Variants in DCP2 observed in about 807,000 individuals in gnomAD.
DCP2 encodes the protein decapping mRNA 2.
In DCP2, 30 loss-of-function variants were observed where a neutral mutation model predicts 56.1. The ratio of observed to expected loss-of-function variants is 0.53; its 90% CI spans 0.40 to 0.73. DCP2 has a LOEUF of 0.73. Ranked by LOEUF, DCP2 falls within the 30% of genes least tolerant of loss-of-function variation. The pLI is 0.00. For synonymous variants in DCP2, 197 were observed against 163.3 expected, an observed-to-expected ratio of 1.21 and a Z score of -1.57; for missense variants, 533 against 502.7, an observed-to-expected ratio of 1.06 and a Z score of -0.58.
intron 4 of DCP2, among the ~76,000 whole-genome samples, chr5:112,998,959 T>C (rs1748994305): frequency 6.6e-6 from 1 of 152,242 alleles, no homozygotes; most frequent in Non-Finnish European, 1.5e-5. Flanking sequence ...TTGCCCATTA[T>C]GATTCAGCAG....
At position 113,013,382 on chromosome 5, in the gene DCP2, G is replaced by A; in HGVS notation, c.1161G>A (p.Gln387=). The A allele has an allele frequency of 6.2e-7, 1 of 1,614,146 alleles. No individual in the cohort carries two copies. Among genetic ancestry groups the A allele is most frequent in the South Asian group, 1.1e-5 (1 of 91,084 alleles). The change falls in exon 11 of 11, where the codon CAG becomes CAA. Residue 387 remains glutamine (Q), a synonymous_variant. Transcript: ENST00000389063. ...EDQLLEHAEG[Q]PVACNGHCKF... ...AGTTGCTAGAACATGCTGAGGGACAGCCCGTGGCATGTAATGGACATTGCA... is the reference window on the plus strand; with the variant it reads ...AGTTGCTAGAACATGCTGAGGGACAACCCGTGGCATGTAATGGACATTGCA...
At chr5:113,000,061 CAA>C (rs60251393) in intron 4 of DCP2, among the ~76,000 whole-genome samples, 1,601 of 89,894 alleles carry the variant, frequency 0.018, 19 homozygotes, top group East Asian at 0.063. Context: ...AACTCCATCT[CAA>C]AAAAAAAAAA....
At chr5:112,993,835 C>T (rs998154448) in intron 4 of DCP2, among the ~76,000 whole-genome samples, 6 of 151,654 alleles carry the variant, frequency 4.0e-5, no homozygotes, top group Admixed American at 6.6e-5. Flanking sequence ...GTCTCTCTCT[C>T]GTGTGTGTGT....
At chr5:113,010,680 T>C in intron 9 of DCP2, 76 bp from the exon 10 acceptor site, 8 of 1,411,018 alleles carry the variant, frequency 5.7e-6, no homozygotes, top group South Asian at 3.1e-5. Flanking sequence ...AATACATCTT[T>C]TGATTTTTAA....
rs148079095 is a variant in DCP2, at chr5:113,001,647, C to T, written c.779C>T (p.Pro260Leu). The change falls in exon 7 of 11, where the codon CCG becomes CTG. Residue 260 changes from proline (P) to leucine (L), a missense_variant. By Grantham distance (98) the Pro-to-Leu change is moderately conservative. This residue lies in a region of DCP2 where 392 missense variants were observed against 346.6 expected (regional missense o/e 1.13). Transcript: ENST00000389063. ...DNGFSSTGST[P>L]AKPTVEKLSR... ...GGATTTTCCTCAACTGGTAGCACGC[C>T]GGCTAAACCCACTGTGGAAAAATTG... The T allele has an allele frequency of 2.0e-5, 33 of 1,613,952 alleles. No homozygotes were observed. The highest frequency in any genetic ancestry group is 6.6e-5 in the South Asian group (6 of 91,082).
chr5:112,998,109 G>T (rs1237125362), intron 4 of DCP2, among the ~76,000 whole-genome samples: 1 of 152,032 alleles, frequency 6.6e-6, no homozygotes, highest in African/African-American at 2.4e-5. Flanking sequence ...ACTTTTTCCT[G>T]GCAAATATTT....
intron 2 of DCP2, among the ~76,000 whole-genome samples, chr5:112,988,880 T>A (rs1056418577): frequency 6.6e-6 from 1 of 152,226 alleles, no homozygotes; most frequent in Non-Finnish European, 1.5e-5. Flanking sequence ...TTACATACTT[T>A]AGGGTTTTGG....
At chr5:112,986,325 A>G (rs925770040) in intron 2 of DCP2, among the ~76,000 whole-genome samples, 5 of 147,644 alleles carry the variant, frequency 3.4e-5, no homozygotes, top group Admixed American at 2.0e-4. Context: ...TTTCTGATTT[A>G]TTTAGAATTT....
At position 113,020,934 on chromosome 5, in the gene DCP2, A is replaced by G. The variant is rs1750092443; in HGVS notation, c.*7450A>G. The stretch of plus-strand genomic sequence containing the variant: ...AGATTGTTTGTAATGTACTATCAAT[A>G]AAATTGGCTGCTTGGGCGGTTTTAG... On this transcript the variant is annotated 3_prime_UTR_variant, in exon 11 of 11. Coordinates refer to ENST00000389063, the MANE Select transcript of DCP2 (RefSeq NM_152624.6). 6.6e-6 allele frequency: 1 copy of G among 152,218 alleles called. No homozygotes were observed. Among genetic ancestry groups the G allele is most frequent in the Admixed American group, 6.5e-5 (1 of 15,274 alleles). 9.4% of individuals were successfully genotyped at this position (152,218 alleles called of 1,614,324 possible).
chr5:112,988,542 G>A (rs1748420984), intron 2 of DCP2, among the ~76,000 whole-genome samples: 2 of 149,542 alleles, frequency 1.3e-5, no homozygotes, highest in Admixed American at 6.7e-5. Flanking sequence ...TTATTGGTTG[G>A]TCTGTTACAT....
intron 9 of DCP2, among the ~76,000 whole-genome samples, chr5:113,008,959 T>A (rs1253302998): frequency 5.3e-5 from 8 of 152,110 alleles, no homozygotes; most frequent in Non-Finnish European, 8.8e-5. Context: ...TTCCCCTGTC[T>A]CAGCCTCCTG....
chr5:113,009,307 G>C (rs560030738), intron 9 of DCP2, among the ~76,000 whole-genome samples: 1 of 152,312 alleles, frequency 6.6e-6, no homozygotes, highest in South Asian at 2.1e-4. Flanking sequence ...TTTAAAAGTT[G>C]TTTAAGACGA....
chr5:113,013,452 C>T lies in DCP2; in HGVS notation c.1231C>T (p.His411Tyr), dbSNP rs1278928054. Residue 411 changes from histidine to tyrosine, a missense_variant, in exon 11 of 11, where the codon CAT becomes TAT. His to Tyr is a moderately conservative substitution (Grantham distance 83). Around this residue, in one of 3 missense-constraint regions of DCP2, gnomAD observed 392 missense variants for 346.6 expected, o/e 1.13. Transcript: ENST00000389063. ...AGCCTTTTTGAGTTTCAAGTTTGAC[C>T]ATAATGCTATAATGAAAATCTTGGA... The part of the protein sequence containing the change: ...SRAFLSFKFD[H>Y]NAIMKILDL 1 of 1,614,076 alleles carries T rather than the reference C, an allele frequency of 6.2e-7. No homozygotes were observed. The highest frequency in any genetic ancestry group is 1.3e-5 in the African/African-American group (1 of 75,020).
Position 112,976,896 on chromosome 5 carries a change from G to A in DCP2, c.-38G>A. The A allele has an allele frequency of 2.5e-6, 4 of 1,612,008 alleles. No individual in the cohort carries two copies. The highest frequency in any genetic ancestry group is 3.4e-6 in the Non-Finnish European group (4 of 1,178,046). On this transcript the variant is annotated 5_prime_UTR_variant, in exon 1 of 11. Coordinates refer to ENST00000389063, the MANE Select transcript of DCP2 (RefSeq NM_152624.6). ...CCGTACCGTCAGTCCCCGGCCGCGCGGAGCCGGGATGCACTGTTCCTGCTG... is the reference window on the plus strand; with the variant it reads ...CCGTACCGTCAGTCCCCGGCCGCGCAGAGCCGGGATGCACTGTTCCTGCTG...
chr5:113,003,133 G>T (rs1749256631), intron 7 of DCP2, among the ~76,000 whole-genome samples: 1 of 139,418 alleles, frequency 7.2e-6, no homozygotes, highest in South Asian at 2.4e-4. Flanking sequence ...ATGTCTTTCA[G>T]AATCTGTTAT....
rs61532290 is a variant in DCP2, at chr5:113,021,386, CAA to C, written c.*7919_*7920del. ...CTGTCTGGAAAAAACAAAAAACAAC[CAA>C]AAAAAAAAAAAAAAAACCCCCAGGA... On this transcript the variant is annotated 3_prime_UTR_variant, in exon 11 of 11. Transcript: ENST00000389063. Among the ~76,000 whole-genome samples the C allele has an allele frequency of 0.23, 24,341 of 105,470 alleles. 2,196 individuals carry two copies. Among genetic ancestry groups the C allele is most frequent in the Non-Finnish European group, 0.28 (13,853 of 48,972 alleles). 69.2% of individuals were successfully genotyped at this position (105,470 alleles called of 152,430 possible).
intron 1 of DCP2, among the ~76,000 whole-genome samples, chr5:112,978,606 G>C (rs1403860705): frequency 2.6e-5 from 4 of 151,930 alleles, no homozygotes; most frequent in Admixed American, 2.6e-4. Flanking sequence ...CTTCTTTGGT[G>C]ATGGTAGATT....
rs1422405221 is a variant in DCP2, at chr5:113,017,994, A to G, written c.*4510A>G. ...GAGGAGTCTGGTCCTTCCTGTACTG[A>G]TACTGTAGAACTCCAGTCAAACTTC... is the stretch of plus-strand genomic sequence containing the variant. On this transcript the variant is annotated 3_prime_UTR_variant, in exon 11 of 11. Coordinates refer to ENST00000389063, the MANE Select transcript of DCP2 (RefSeq NM_152624.6). 6.6e-6 allele frequency: 1 copy of G among 152,180 alleles called. No individual in the cohort carries two copies. Among genetic ancestry groups the G allele is most frequent in the Non-Finnish European group, 1.5e-5 (1 of 68,026 alleles). 9.4% of individuals were successfully genotyped at this position (152,180 alleles called of 1,614,324 possible). A position where few individuals can be genotyped will look rare whatever the true frequency, so the allele number is the denominator to read the frequency against.
chr5:113,007,590 C>T (rs1175130685), intron 8 of DCP2, among the ~76,000 whole-genome samples: 3 of 151,862 alleles, frequency 2.0e-5, no homozygotes, highest in Non-Finnish European at 2.9e-5. Context: ...TTAGTAGAGA[C>T]GGGGTTTTGC....
Sources: allele counts gnomAD v4.1 joint callset (sites outside exome capture counted in the v4.1 genomes callset), GRCh38; gene constraint gnomAD v4.1.1; regional missense constraint gnomAD v4.1.1; transcripts MANE v1.5; gene names NCBI Gene and HGNC (gene_info 2026-07-23, HGNC 2026-07-21).